Variants in CCDC148 observed in about 807,000 individuals in gnomAD.
CCDC148 encodes coiled-coil domain containing 148.
Under a neutral mutation model 85.7 loss-of-function variants are expected in CCDC148, and 89 were observed. That is an observed-to-expected ratio of 1.04 (90% CI 0.87 to 1.24). The LOEUF is 1.24. Ranked by LOEUF, CCDC148 falls within the 50% of genes most tolerant of loss-of-function variation. The probability of loss-of-function intolerance (pLI) is 0.00; values close to 1 mark genes in which losing one functional copy is unlikely to be tolerated. For synonymous variants in CCDC148, 230 were observed against 213.9 expected (o/e 1.08, Z -0.66); for missense variants, 692 against 671.7 (o/e 1.03, Z -0.33).
intron 1 of CCDC148, among the ~76,000 whole-genome samples, chr2:158,372,890 C>T (rs982484922): frequency 2.6e-5 from 4 of 152,040 alleles, no homozygotes; most frequent in African/African-American, 9.7e-5. Context: ...AAACCATTTG[C>T]AGATCCCTGA....
At position 158,171,954 on chromosome 2, in the gene CCDC148, A is replaced by C. The variant is rs1684337744; in HGVS notation, c.*159T>G. The C allele has an allele frequency of 5.4e-6, 3 of 557,774 alleles. No individual in the cohort carries two copies. Among genetic ancestry groups the C allele is most frequent in the South Asian group, 5.6e-5 (2 of 35,438 alleles). 34.6% of individuals were successfully genotyped at this position (557,774 alleles called of 1,614,324 possible). A position where few individuals can be genotyped will look rare whatever the true frequency, so the allele number is the denominator to read the frequency against. On this transcript the variant is annotated 3_prime_UTR_variant, in exon 14 of 14. Coordinates refer to ENST00000283233, the MANE Select transcript of CCDC148 (RefSeq NM_138803.4). ...AAAGATACAGGAAATATAGTGCATA[A>C]AATTCTAAGAATCACAAAAGAAAGG...
chr2:158,240,446 TCTCTCTCACA>T (rs1426515400), intron 10 of CCDC148, among the ~76,000 whole-genome samples: 1 of 51,318 alleles, frequency 1.9e-5, no homozygotes, highest in Admixed American at 3.5e-4. Context: ...TCTCTCTCTC[TCTCTCTCACA>T]CACACACACA....
At chr2:158,393,139 G>A (rs957762715) in intron 1 of CCDC148, 3 of 152,072 alleles carry the variant, frequency 2.0e-5, no homozygotes, top group Non-Finnish European at 4.4e-5. Flanking sequence ...CTGAATATAA[G>A]CAAATGTGTG....
At chr2:158,221,251 T>C (rs1224890795) in intron 10 of CCDC148, among the ~76,000 whole-genome samples, 1 of 152,166 alleles carries the variant, frequency 6.6e-6, no homozygotes, top group Non-Finnish European at 1.5e-5. Context: ...TTGTGGTATA[T>C]AGTAGTTCTG....
intron 9 of CCDC148, among the ~76,000 whole-genome samples, chr2:158,300,458 G>C (rs1233972457): frequency 1.3e-5 from 2 of 152,164 alleles, no homozygotes; most frequent in Non-Finnish European, 2.9e-5. Flanking sequence ...TATGTACCAG[G>C]AGTTAGGGAG....
chr2:158,307,611 GA>G (rs1691756254), intron 9 of CCDC148, among the ~76,000 whole-genome samples: 1 of 152,188 alleles, frequency 6.6e-6, no homozygotes, highest in African/African-American at 2.4e-5. Context: ...CAAGAATGTT[GA>G]TAGTGCCATT....
At chr2:158,261,704 C>T (rs897831763) in intron 9 of CCDC148, among the ~76,000 whole-genome samples, 4 of 151,978 alleles carry the variant, frequency 2.6e-5, no homozygotes, top group African/African-American at 9.7e-5. Context: ...AGGCAAAGGA[C>T]ATGAACAGAT....
chr2:158,416,164 T>C (rs1574781025), intron 1 of CCDC148, among the ~76,000 whole-genome samples: 1 of 152,312 alleles, frequency 6.6e-6, no homozygotes, highest in East Asian at 1.9e-4. Flanking sequence ...CTGGAGTGGC[T>C]GGGACACAGG....
At chr2:158,310,471 G>A (rs1398378647) in intron 8 of CCDC148, among the ~76,000 whole-genome samples, 1 of 152,216 alleles carries the variant, frequency 6.6e-6, no homozygotes, top group African/African-American at 2.4e-5. Context: ...GCCGGGCAGA[G>A]GGGCTCCTCA....
chr2:158,322,125 CT>C (rs1692548313), intron 7 of CCDC148, among the ~76,000 whole-genome samples: 1 of 152,062 alleles, frequency 6.6e-6, no homozygotes, highest in Non-Finnish European at 1.5e-5. Flanking sequence ...TTTTCATGCC[CT>C]TTGACTCAGC....
intron 1 of CCDC148, among the ~76,000 whole-genome samples, chr2:158,452,525 G>A (rs891524293): frequency 1.3e-5 from 2 of 152,128 alleles, no homozygotes; most frequent in African/African-American, 4.8e-5. Flanking sequence ...ATGCCAAAAT[G>A]GCACATTTTG....
intron 1 of CCDC148, among the ~76,000 whole-genome samples, chr2:158,407,853 CA>C (rs1376262330): frequency 6.6e-6 from 1 of 151,930 alleles, no homozygotes; most frequent in African/African-American, 2.4e-5. Flanking sequence ...ATCTGTGACC[CA>C]AATAAGGTTA....
chr2:158,296,582 C>T (rs1260676711), intron 9 of CCDC148, among the ~76,000 whole-genome samples: 5 of 152,182 alleles, frequency 3.3e-5, no homozygotes, highest in African/African-American at 1.2e-4. Context: ...TTGTAAAATG[C>T]AAACATCTAT....
At chr2:158,204,562 A>T (rs72934292) in intron 11 of CCDC148, among the ~76,000 whole-genome samples, 3,984 of 152,200 alleles carry the variant, frequency 0.026, 69 homozygotes, top group Middle Eastern at 0.041. Flanking sequence ...CAAAGCTCCA[A>T]ATGACAGTTC....
chr2:158,309,975 C>G (rs920200100), intron 8 of CCDC148, among the ~76,000 whole-genome samples: 7 of 152,186 alleles, frequency 4.6e-5, no homozygotes, highest in Non-Finnish European at 7.4e-5. Flanking sequence ...CTCAGAGAGG[C>G]GGATTTGGCA....
intron 1 of CCDC148, among the ~76,000 whole-genome samples, chr2:158,389,250 C>G (rs1035605668): frequency 6.6e-6 from 1 of 152,168 alleles, no homozygotes; most frequent in African/African-American, 2.4e-5. Flanking sequence ...TTTTCATTCT[C>G]TCTACGACTT....
At chr2:158,212,381 T>A (rs1276008430) in intron 11 of CCDC148, among the ~76,000 whole-genome samples, 2 of 152,266 alleles carry the variant, frequency 1.3e-5, no homozygotes, top group Non-Finnish European at 2.9e-5. Flanking sequence ...CACTTTAAAT[T>A]TCCTTAATGC....
chr2:158,443,445 G>A (rs67643871), intron 1 of CCDC148, among the ~76,000 whole-genome samples: 24,591 of 148,280 alleles, frequency 0.17, 2,211 homozygotes, highest in Middle Eastern at 0.21. Flanking sequence ...TCAAGGCTGC[G>A]GTCAGCCATG....
intron 1 of CCDC148, among the ~76,000 whole-genome samples, chr2:158,387,464 A>G (rs997502593): frequency 1.3e-5 from 2 of 152,050 alleles, no homozygotes; most frequent in Middle Eastern, 3.4e-3. Context: ...TCAACTCCCT[A>G]TATAAAATCT....
Sources: allele counts gnomAD v4.1 joint callset (sites outside exome capture counted in the v4.1 genomes callset), GRCh38; gene constraint gnomAD v4.1.1; transcripts MANE v1.5; gene names NCBI Gene and HGNC (gene_info 2026-07-23, HGNC 2026-07-21).